YIPF2: variants seen among roughly 807,000 people sequenced by gnomAD.
The protein encoded by YIPF2 is protein YIPF2.
A neutral mutation model predicts 38.8 loss-of-function variants in YIPF2; 30 were observed. The ratio of observed to expected loss-of-function variants is 0.77; its 90% CI spans 0.58 to 1.05. YIPF2 has a LOEUF of 1.05. Among genes scored for constraint, YIPF2 ranks in the 50% least tolerant of loss-of-function variants. The pLI is 0.00. For synonymous variants in YIPF2, 194 were observed against 183.8 expected (o/e 1.06, Z -0.45); for missense variants, 401 against 409.7 (o/e 0.98, Z 0.18).
intron 5 of YIPF2, among the ~76,000 whole-genome samples, chr19:10,924,726 T>C (rs1330055810): frequency 6.6e-6 from 1 of 151,792 alleles, no homozygotes; most frequent in Non-Finnish European, 1.5e-5. Context: ...CAGGCAGAAA[T>C]CCCTAGAGCC....
chr19:10,923,500 A>AG lies in YIPF2; in HGVS notation c.828dup (p.Cys277LeufsTer2). ...TGGCCACCCCAGACCCGTACCTTACAGCCCATGGCCAGGAGGGCGTGGAGC... is the reference window on the plus strand; with the variant it reads ...TGGCCACCCCAGACCCGTACCTTACAGGCCCATGGCCAGGAGGGCGTGGAGC... On this transcript the variant is annotated frameshift_variant, in exon 8 of 10. Transcript: ENST00000586748. LOFTEE classifies it high-confidence loss of function. 6.2e-7 allele frequency: 1 copy of AG among 1,612,932 alleles called. No homozygotes were observed. Among genetic ancestry groups the AG allele is most frequent in the East Asian group, 2.2e-5 (1 of 44,886 alleles).
chr19:10,922,996 G>A lies in YIPF2; in HGVS notation c.*198C>T, dbSNP rs752684657. 1.3e-4 allele frequency: 35 copies of A among 276,160 alleles called. No individual in the cohort carries two copies. The highest frequency in any genetic ancestry group is 2.0e-4 in the Non-Finnish European group (29 of 147,696). The allele number at this position is 276,160 out of a possible 1,614,324, so 17.1% of individuals were successfully genotyped here. On this transcript the variant is annotated 3_prime_UTR_variant, in exon 10 of 10. Transcript: ENST00000586748. ...AGCCCTGTCCCAAAGCTCCCTGCTC[G>A]GCTGCCCCTCGCCCGCCTTTATATA... is the stretch of plus-strand genomic sequence containing the variant.
chr19:10,924,835 C>G (rs1236157828), intron 5 of YIPF2, among the ~76,000 whole-genome samples: 1 of 151,116 alleles, frequency 6.6e-6, no homozygotes, highest in Non-Finnish European at 1.5e-5. Context: ...TCCAGTGCCA[C>G]TCTCCACATC....
chr19:10,924,007 G>T lies in YIPF2; in HGVS notation c.485-8C>A, dbSNP rs78738409. 7.8e-5 allele frequency: 126 copies of T among 1,612,412 alleles called. No individual in the cohort carries two copies. The East Asian group carries it at 1.9e-3, about 24-fold the overall frequency. On this transcript the variant is annotated splice_polypyrimidine_tract_variant and splice_region_variant and intron_variant, in intron 6 of 9. Transcript: ENST00000586748. ...TGATGCCTGCCACGGTCACTGGGGG[G>T]GGCAAGGTGAGCAGTCACCCCCTGT...
rs548973356 is a variant in YIPF2, at chr19:10,928,157, TA to T, written c.32-199del. Among the ~76,000 whole-genome samples, 6 of 146,788 alleles carry T rather than the reference TA, an allele frequency of 4.1e-5. No individual in the cohort carries two copies. The South Asian group carries it at 1.3e-3, about 31-fold the overall frequency. On this transcript the variant is annotated intron_variant, in intron 2 of 9. Transcript: ENST00000586748. ...TTCCTCCTAAAGTGGAACTGCAACT[TA>T]GGGTTGACGCTGGGATGGGGTCAGG...
intron 2 of YIPF2, 56 bp from the exon 3 acceptor site, chr19:10,928,015 T>C: frequency 6.4e-7 from 1 of 1,568,032 alleles, no homozygotes; most frequent in Non-Finnish European, 8.7e-7. Context: ...AGAACTCGAC[T>C]GGGCCCAAGC....
At chr19:10,924,417 A>G (rs976448205) in intron 5 of YIPF2, among the ~76,000 whole-genome samples, 9 of 151,838 alleles carry the variant, frequency 5.9e-5, no homozygotes, top group African/African-American at 2.2e-4. Flanking sequence ...GTCTCACCTC[A>G]TTGGTGCCAA....
chr19:10,925,156 C>T (rs989639012), intron 5 of YIPF2, among the ~76,000 whole-genome samples: 5 of 150,314 alleles, frequency 3.3e-5, no homozygotes, highest in South Asian at 4.2e-4. Flanking sequence ...CGCTTGAATG[C>T]GGGAGGGGAA....
Position 10,923,911 on chromosome 19 carries a change from C to G in YIPF2, c.573G>C (p.Gln191His). 2 of 1,613,316 alleles carry G rather than the reference C, an allele frequency of 1.2e-6. No homozygotes were observed. Among genetic ancestry groups the G allele is most frequent in the East Asian group, 4.5e-5 (2 of 44,852 alleles). ...WGFLRWRKGVQERMGPYTFLE... is the reference protein window; with the variant it reads ...WGFLRWRKGVHERMGPYTFLE... ...GGAAGGTGTAGGGCCCCATGCGCTC[C>G]TGGACACCCTTGCGCCACCGCAGGA... Residue 191 changes from glutamine (Q) to histidine (H), a missense_variant, in exon 7 of 10, where the codon CAG becomes CAC. Coordinates refer to ENST00000586748, the MANE Select transcript of YIPF2 (RefSeq NM_001321439.2).
chr19:10,924,634 G>T (rs1401213213), intron 5 of YIPF2, among the ~76,000 whole-genome samples: 1 of 152,186 alleles, frequency 6.6e-6, no homozygotes, highest in Admixed American at 6.5e-5. Flanking sequence ...GGCATCTCCG[G>T]CTTCATCCAC....
At chr19:10,928,092 A>C in intron 2 of YIPF2, 133 bp from the exon 3 acceptor site, 1 of 1,332,722 alleles carries the variant, frequency 7.5e-7, no homozygotes, top group Non-Finnish European at 1.0e-6. Flanking sequence ...GTGGGGCCCA[A>C]CTTCCTCAGT....
chr19:10,925,231 CA>C (rs1268669032), intron 5 of YIPF2, among the ~76,000 whole-genome samples: 1,824 of 93,664 alleles, frequency 0.019, 27 homozygotes, highest in African/African-American at 0.053. Flanking sequence ...GACTCTGTCT[CA>C]AAAAAAAAAA....
chr19:10,927,764 T>C (rs774993759), intron 3 of YIPF2, 35 bp downstream of exon 3: 14 of 1,610,176 alleles, frequency 8.7e-6, no homozygotes, highest in African/African-American at 8.0e-5. Context: ...CTGGGTCAGC[T>C]GGGGGCTGCA....
chr19:10,928,559 C>A lies in YIPF2; in HGVS notation c.-79G>T, dbSNP rs970283170. 4.4e-6 allele frequency: 5 copies of A among 1,132,196 alleles called. No homozygotes were observed. The South Asian group carries it at 5.8e-5, about 13-fold the overall frequency. The allele number at this position is 1,132,196 out of a possible 1,614,324, so 70.1% of individuals were successfully genotyped here. On this transcript the variant is annotated 5_prime_UTR_variant, in exon 1 of 10. Transcript: ENST00000586748. ...AGGCTTGAACTCGTCGTCCCGTCCC[C>A]ACAGGTGCGCTCCGCCCCCCCTCAC...
chr19:10,923,689 A>G lies in YIPF2; in HGVS notation c.652-12T>C, dbSNP rs373491937. ...ATGAGCCACAGGACCTGGGAGCAAC[A>G]CGGCGGCAGGTGACCATGCCAGTCC... is the stretch of plus-strand genomic sequence containing the variant. On this transcript the variant is annotated splice_polypyrimidine_tract_variant and intron_variant, in intron 7 of 9. Transcript: ENST00000586748. 1.8e-5 allele frequency: 28 copies of G among 1,598,556 alleles called. No homozygotes were observed. The African/African-American group carries it at 3.2e-4, about 18-fold the overall frequency.
intron 4 of YIPF2, 115 bp downstream of exon 4, chr19:10,927,515 G>A: frequency 7.6e-7 from 1 of 1,317,084 alleles, no homozygotes; most frequent in Non-Finnish European, 1.1e-6. Flanking sequence ...AACCCTTTGA[G>A]AGCACCACAG....
chr19:10,923,590 GGGTGAA>G lies in YIPF2; in HGVS notation c.733_738del (p.Phe245_Thr246del). The G allele has an allele frequency of 6.2e-7, 1 of 1,613,008 alleles. No individual in the cohort carries two copies. The highest frequency in any genetic ancestry group is 8.5e-7 in the Non-Finnish European group (1 of 1,179,774). On this transcript the variant is annotated inframe_deletion, in exon 8 of 10. Coordinates refer to ENST00000586748, the MANE Select transcript of YIPF2 (RefSeq NM_001321439.2). ...GTGTCCTCACGGACCACGGGCCAGA[GGGTGAA>G]TACCAGCCCGGCGGCTGACAGGCCC...
At chr19:10,925,646 G>A (rs1303725570) in intron 5 of YIPF2, 40 bp downstream of exon 5, 2 of 1,611,822 alleles carry the variant, frequency 1.2e-6, no homozygotes, top group Non-Finnish European at 1.7e-6. Flanking sequence ...CACACTTGTT[G>A]AGTGATCCAT....
At position 10,923,506 on chromosome 19, in the gene YIPF2, T is replaced by TG. The variant is rs1476938011; in HGVS notation, c.822dup (p.Met275HisfsTer4). ...CCCCAGACCCGTACCTTACAGCCCA[T>TG]GGCCAGGAGGGCGTGGAGCAGCACG... On this transcript the variant is annotated frameshift_variant, in exon 8 of 10. Coordinates refer to ENST00000586748, the MANE Select transcript of YIPF2 (RefSeq NM_001321439.2). LOFTEE classifies it high-confidence loss of function. 1 of 1,612,678 alleles carries TG rather than the reference T, an allele frequency of 6.2e-7. No individual in the cohort carries two copies. The highest frequency in any genetic ancestry group is 8.5e-7 in the Non-Finnish European group (1 of 1,179,664).
Sources: gnomAD v4.1 joint callset for allele counts (sites outside exome capture counted in the v4.1 genomes callset) on GRCh38, gnomAD v4.1.1 for gene constraint, MANE v1.5 for transcripts, NCBI Gene and HGNC (gene_info 2026-07-23, HGNC 2026-07-21) for gene names.